C8orf34: variants seen among roughly 807,000 people sequenced by gnomAD.
C8orf34 encodes uncharacterized protein C8orf34.
A neutral mutation model predicts 68.3 loss-of-function variants in C8orf34; 65 were observed. The observed-to-expected ratio is 0.95, with a 90% confidence interval of 0.78 to 1.17. The LOEUF is 1.17. C8orf34 is among the 50% of genes most tolerant of loss of function. The pLI, the probability that C8orf34 is intolerant of heterozygous loss-of-function variation, is 0.00. For missense variants in C8orf34, 664 were observed against 655.4 expected (o/e 1.01, Z -0.14); for synonymous variants, 244 against 241.2 (o/e 1.01, Z -0.11).
rs1194778500 is a variant in C8orf34, at chr8:68,713,856, C to A, written c.1327+4777C>A. The stretch of plus-strand genomic sequence containing the variant: ...CATAACACGAAAAGAAAACTACAGA[C>A]CAGTATCCTTGATGAACATACATGC... On this transcript the variant is annotated intron_variant, in intron 9 of 13. Coordinates refer to ENST00000518698, the MANE Select transcript of C8orf34 (RefSeq NM_052958.4). Among the ~76,000 whole-genome samples the A allele has an allele frequency of 7.2e-5, 11 of 152,100 alleles. No homozygotes were observed. In the South Asian group the frequency reaches 2.3e-3, roughly 32 times the overall value.
chr8:68,606,160 C>T (rs942434371), intron 7 of C8orf34, among the ~76,000 whole-genome samples: 1 of 152,044 alleles, frequency 6.6e-6, no homozygotes, highest in Admixed American at 6.6e-5. Context: ...AAAACCAAAC[C>T]ATGATCATTT....
intron 1 of C8orf34, among the ~76,000 whole-genome samples, chr8:68,354,461 C>T (rs1289412739): frequency 6.6e-6 from 1 of 152,090 alleles, no homozygotes; most frequent in South Asian, 2.1e-4. Context: ...CTTGCCTCAG[C>T]CTCTCAAAGC....
intron 1 of C8orf34, among the ~76,000 whole-genome samples, chr8:68,388,692 G>C (rs987072971): frequency 1.3e-5 from 2 of 152,140 alleles, no homozygotes; most frequent in Non-Finnish European, 1.5e-5. Flanking sequence ...TTTGTAAGTT[G>C]ATCTTTCTTG....
At chr8:68,331,510 C>T (rs2676639) in intron 1 of C8orf34, 171 bp downstream of exon 1, 79,901 of 761,962 alleles carry the variant, frequency 0.1, 6,819 homozygotes, top group African/African-American at 0.36. Context: ...GGCCAGGTGT[C>T]CTGGAACGCG....
At chr8:68,458,739 G>C (rs1463258492) in intron 3 of C8orf34, among the ~76,000 whole-genome samples, 1 of 152,196 alleles carries the variant, frequency 6.6e-6, no homozygotes, top group Admixed American at 6.5e-5. Context: ...GGGCCTCGAA[G>C]TGTTTTCTGG....
chr8:68,530,549 A>G (rs1320376620), intron 6 of C8orf34: 39 of 966,186 alleles, frequency 4.0e-5, no homozygotes, highest in Non-Finnish European at 4.3e-5. Context: ...TCAATGAATA[A>G]AGTTGGTCAA....
intron 7 of C8orf34, among the ~76,000 whole-genome samples, chr8:68,636,812 A>C (rs922540778): frequency 6.6e-6 from 1 of 152,128 alleles, no homozygotes; most frequent in Non-Finnish European, 1.5e-5. Context: ...ACATACAAGC[A>C]TTTAAGCCTC....
intron 12 of C8orf34, chr8:68,790,830 A>G (rs1316240852): frequency 4.3e-6 from 3 of 701,210 alleles, no homozygotes; most frequent in East Asian, 2.7e-5. Flanking sequence ...CTAAATCAGA[A>G]TCTCTGTGGC....
intron 10 of C8orf34, among the ~76,000 whole-genome samples, chr8:68,749,226 G>A (rs1176047136): frequency 1.3e-5 from 2 of 151,220 alleles, no homozygotes; most frequent in Non-Finnish European, 2.9e-5. Flanking sequence ...ATCACACTCT[G>A]GGGACTGTTG....
chr8:68,574,065 T>A (rs1195751961), intron 7 of C8orf34, among the ~76,000 whole-genome samples: 1 of 152,148 alleles, frequency 6.6e-6, no homozygotes, highest in Non-Finnish European at 1.5e-5. Context: ...ACCAAATTAT[T>A]TTTCAAGTAA....
chr8:68,721,426 C>T lies in C8orf34; in HGVS notation c.1393C>T (p.Leu465=). The change falls in exon 10 of 14, where the codon CTA becomes TTA. Residue 465 remains leucine, a synonymous_variant. Coordinates refer to ENST00000518698, the MANE Select transcript of C8orf34 (RefSeq NM_052958.4). ...EGDEFEKASK[L]TGPGEASSGV... ...TGACGAATTTGAGAAAGCATCTAAA[C>T]TAACAGGACCTGTAAGTATATTCAT... The T allele has an allele frequency of 6.2e-7, 1 of 1,603,942 alleles. No homozygotes were observed. Among genetic ancestry groups the T allele is most frequent in the Non-Finnish European group, 8.5e-7 (1 of 1,172,222 alleles).
At chr8:68,419,180 C>T (rs913801644) in intron 1 of C8orf34, among the ~76,000 whole-genome samples, 2 of 151,918 alleles carry the variant, frequency 1.3e-5, no homozygotes, top group Non-Finnish European at 2.9e-5. Context: ...CATGAACAGA[C>T]ACTTCTCAAA....
intron 12 of C8orf34, chr8:68,790,816 C>T (rs1367681754): frequency 1.4e-6 from 1 of 698,826 alleles, no homozygotes; most frequent in Non-Finnish European, 2.6e-6. Flanking sequence ...CTATTTCAGA[C>T]CTACTAAATC....
At chr8:68,533,543 A>G in intron 7 of C8orf34, 2 of 986,590 alleles carry the variant, frequency 2.0e-6, no homozygotes, top group Non-Finnish European at 1.2e-6. Context: ...CAAAATGTCT[A>G]CCTTTTATTT....
intron 8 of C8orf34, among the ~76,000 whole-genome samples, chr8:68,676,520 A>G (rs775304175): frequency 6.6e-6 from 1 of 152,168 alleles, no homozygotes; most frequent in Non-Finnish European, 1.5e-5. Flanking sequence ...TGCATTATAA[A>G]CCAAATGGAC....
chr8:68,512,717 C>T (rs1814328949), intron 5 of C8orf34, among the ~76,000 whole-genome samples: 1 of 151,230 alleles, frequency 6.6e-6, no homozygotes, highest in Admixed American at 6.6e-5. Flanking sequence ...CTTTTCCTAT[C>T]TAATTTAAAG....
chr8:68,571,243 TAC>T (rs1229000859), intron 7 of C8orf34, among the ~76,000 whole-genome samples: 1 of 152,176 alleles, frequency 6.6e-6, no homozygotes, highest in Admixed American at 6.5e-5. Context: ...GCCATTTAGT[TAC>T]AGTGTCAAAT....
intron 7 of C8orf34, among the ~76,000 whole-genome samples, chr8:68,552,574 G>GT (rs1203796692): frequency 1.3e-5 from 2 of 151,942 alleles, no homozygotes; most frequent in African/African-American, 4.8e-5. Flanking sequence ...GTTATCATAG[G>GT]TTTTTTAGTG....
intron 3 of C8orf34, among the ~76,000 whole-genome samples, chr8:68,453,929 A>T (rs1006443156): frequency 6.6e-6 from 1 of 152,022 alleles, no homozygotes; most frequent in African/African-American, 2.4e-5. Flanking sequence ...AATGCCTTTT[A>T]TCATGTTGAG....
Sources: allele counts gnomAD v4.1 joint callset (sites outside exome capture counted in the v4.1 genomes callset), GRCh38; gene constraint gnomAD v4.1.1; transcripts MANE v1.5; gene names NCBI Gene and HGNC (gene_info 2026-07-23, HGNC 2026-07-21).